RAB11FIP4: variants seen among roughly 807,000 people sequenced by gnomAD.
The protein encoded by RAB11FIP4 is RAB11 family interacting protein 4, also known as rab11 family-interacting protein 4.
Under a neutral mutation model 74.3 loss-of-function variants are expected in RAB11FIP4, and 23 were observed. The observed-to-expected ratio is 0.31, with a 90% CI of 0.22 to 0.44. The LOEUF (loss-of-function observed/expected upper bound fraction) is 0.44, where lower values mean the gene tolerates loss of function less well. RAB11FIP4 is among the 20% of genes least tolerant of loss of function. The pLI, the probability that RAB11FIP4 is intolerant of heterozygous loss-of-function variation, is 1.00. For synonymous variants in RAB11FIP4, 360 were observed against 359.9 expected, an observed-to-expected ratio of 1.00 and a Z score of 0.00; for missense variants, 630 against 863.9, an observed-to-expected ratio of 0.73 and a Z score of 3.39.
chr17:31,467,504 A>T (rs1419884310), intron 3 of RAB11FIP4, among the ~76,000 whole-genome samples: 1 of 152,090 alleles, frequency 6.6e-6, no homozygotes, highest in African/African-American at 2.4e-5. Flanking sequence ...TTTCTCTCTG[A>T]CTTAATTCTC....
At position 31,517,262 on chromosome 17, in the gene RAB11FIP4, T is replaced by C. The variant is rs78702768; in HGVS notation, c.337-389T>C. Among the ~76,000 whole-genome samples the C allele has an allele frequency of 5.9e-3, 847 of 143,654 alleles. 22 individuals carry two copies. Among genetic ancestry groups the C allele is most frequent in the East Asian group, 0.039 (185 of 4,726 alleles). 94.2% of individuals were successfully genotyped at this position (143,654 alleles called of 152,430 possible). ...GGAGTAGCTACTTGGGCTCGGAAAA[T>C]TGGGGTTTTCCTTTTGATTTAGCTC... On this transcript the variant is annotated intron_variant, in intron 3 of 14. Transcript: ENST00000621161.
chr17:31,477,113 C>A (rs1012717288), intron 3 of RAB11FIP4, among the ~76,000 whole-genome samples: 3 of 152,230 alleles, frequency 2.0e-5, no homozygotes, highest in Non-Finnish European at 4.4e-5. Flanking sequence ...ACTTCTTCAT[C>A]CCAGCATCAC....
chr17:31,406,549 G>A lies in RAB11FIP4; in HGVS notation c.159+14538G>A, dbSNP rs140380455. ...ACCCCATCAGCACTATTATTTTAAT[G>A]TATTTGTTTCTGCCAGTTTGATAGG... On this transcript the variant is annotated intron_variant, in intron 1 of 14. Coordinates refer to ENST00000621161, the MANE Select transcript of RAB11FIP4 (RefSeq NM_032932.6). Among the ~76,000 whole-genome samples, 189 of 152,358 alleles carry A rather than the reference G, an allele frequency of 1.2e-3. 1 individual carries two copies. The highest frequency in any genetic ancestry group is 4.4e-3 in the African/African-American group (181 of 41,588).
rs551789319 is a variant in RAB11FIP4, at chr17:31,489,540, C to T, written c.337-28111C>T. 1.5e-4 allele frequency among the ~76,000 whole-genome samples: 23 copies of T among 152,320 alleles called. 3 individuals are homozygous for T. In the South Asian group the frequency reaches 4.8e-3, roughly 32 times the overall value. ...CCCTGGCACTGGCCCAAACCTTACC[C>T]TGCTTTCTGGCTTTCGGGGACTGTT... is the stretch of plus-strand genomic sequence containing the variant. On this transcript the variant is annotated intron_variant, in intron 3 of 14. Coordinates refer to ENST00000621161, the MANE Select transcript of RAB11FIP4 (RefSeq NM_032932.6).
At chr17:31,495,448 C>T (rs1360984516) in intron 3 of RAB11FIP4, among the ~76,000 whole-genome samples, 3 of 148,272 alleles carry the variant, frequency 2.0e-5, no homozygotes, top group Non-Finnish European at 4.4e-5. Flanking sequence ...AATCTTGGCT[C>T]ACTGTAGCCT....
chr17:31,462,822 G>C (rs1203107715), intron 3 of RAB11FIP4, among the ~76,000 whole-genome samples: 1 of 152,116 alleles, frequency 6.6e-6, no homozygotes, highest in Non-Finnish European at 1.5e-5. Context: ...TTTTAGTGGA[G>C]ACGGAGTTTC....
At position 31,501,953 on chromosome 17, in the gene RAB11FIP4, C is replaced by T. The variant is rs182533353; in HGVS notation, c.337-15698C>T. ...AAGTGAGCCCGGGCATAGTGGCTCA[C>T]GGTGGCCTGTAATCCCAGCACGTTG... is the stretch of plus-strand genomic sequence containing the variant. On this transcript the variant is annotated intron_variant, in intron 3 of 14. Transcript: ENST00000621161. Among the ~76,000 whole-genome samples the T allele has an allele frequency of 4.4e-3, 670 of 152,282 alleles. 18 individuals carry two copies. The highest frequency in any genetic ancestry group is 0.034 in the Admixed American group (518 of 15,282).
chr17:31,392,569 G>C (rs925934560), intron 1 of RAB11FIP4: 10 of 152,324 alleles, frequency 6.6e-5, no homozygotes, highest in African/African-American at 2.4e-4. Flanking sequence ...CTGCTGGGCA[G>C]CCAGGCTGGC....
intron 3 of RAB11FIP4, among the ~76,000 whole-genome samples, chr17:31,455,739 G>A (rs1402663163): frequency 6.6e-6 from 1 of 152,174 alleles, no homozygotes; most frequent in East Asian, 1.9e-4. Flanking sequence ...GTCTTGTGCT[G>A]TGACTTGCAA....
At chr17:31,445,562 ATATATATATATATATATTTTTTTTTTTTT>A (rs1334654243) in intron 3 of RAB11FIP4, among the ~76,000 whole-genome samples, 1,463 of 17,406 alleles carry the variant, frequency 0.084, 99 homozygotes, top group African/African-American at 0.21. Flanking sequence ...ATATATATAT[ATATATATATATATATATTTTTTTTTTTTT>A]TTTTTTTTTT....
chr17:31,487,963 C>T, intron 3 of RAB11FIP4: 1 of 821,094 alleles, frequency 1.2e-6, no homozygotes, highest in Non-Finnish European at 1.5e-6. Flanking sequence ...GTCCTCCGCC[C>T]CCGCCCCCGC....
chr17:31,395,801 A>G (rs185359976), intron 1 of RAB11FIP4, among the ~76,000 whole-genome samples: 1 of 152,364 alleles, frequency 6.6e-6, no homozygotes, highest in East Asian at 1.9e-4. Context: ...AGGATCAAGT[A>G]TGAATGTTAC....
intron 1 of RAB11FIP4, chr17:31,392,345 C>T (rs1159790571): frequency 5.1e-6 from 1 of 197,922 alleles, no homozygotes; most frequent in Non-Finnish European, 1.0e-5. Flanking sequence ...GAATCCGGCC[C>T]TAGGCTCCCC....
At chr17:31,445,578 A>ATATTT (rs1555544413) in intron 3 of RAB11FIP4, among the ~76,000 whole-genome samples, 4 of 16,280 alleles carry the variant, frequency 2.5e-4, no homozygotes, top group Non-Finnish European at 3.3e-4. Context: ...ATATATATAT[A>ATATTT]TTTTTTTTTT....
intron 3 of RAB11FIP4, chr17:31,448,411 T>TTTTTTTTTTTTTTTTTA (rs2071491007): frequency 6.8e-6 from 1 of 146,118 alleles, no homozygotes; most frequent in Admixed American, 6.9e-5. Context: ...TTTTTTTTTT[T>TTTTTTTTTTTTTTTTTA]GGCAGAGACC....
chr17:31,506,975 G>T (rs2072362175), intron 3 of RAB11FIP4, among the ~76,000 whole-genome samples: 1 of 152,146 alleles, frequency 6.6e-6, no homozygotes, highest in Non-Finnish European at 1.5e-5. Flanking sequence ...CATAATGATT[G>T]TTCTATTAAT....
chr17:31,418,463 A>AT (rs71142049), intron 1 of RAB11FIP4, among the ~76,000 whole-genome samples: 29,878 of 133,972 alleles, frequency 0.22, 4,655 homozygotes, highest in African/African-American at 0.4. Context: ...AGTTCCCTTG[A>AT]TTTTTTTTTT....
chr17:31,524,960 A>G (rs932253513), intron 9 of RAB11FIP4, 130 bp from the exon 10 acceptor site: 73 of 1,060,796 alleles, frequency 6.9e-5, no homozygotes, highest in Admixed American at 1.5e-4. Flanking sequence ...TCTGAAAGCT[A>G]CTGGCCCACA....
chr17:31,524,270 G>T, intron 9 of RAB11FIP4: 6 of 431,754 alleles, frequency 1.4e-5, no homozygotes, highest in Non-Finnish European at 2.1e-5. Context: ...CAAGATGGGA[G>T]TGGGGATCCA....
Sources: allele counts gnomAD v4.1 joint callset (sites outside exome capture counted in the v4.1 genomes callset), GRCh38; gene constraint gnomAD v4.1.1; transcripts MANE v1.5; gene names NCBI Gene and HGNC (gene_info 2026-07-23, HGNC 2026-07-21).